Variants in NUMB observed in about 807,000 individuals in gnomAD.
NUMB encodes protein numb homolog.
NUMB carries 29 observed loss-of-function variants against 59.7 expected under a neutral mutation model. The observed-to-expected ratio is 0.49, with a 90% CI of 0.36 to 0.66. NUMB has a LOEUF of 0.66. Ranked by LOEUF, NUMB falls within the 30% of genes least tolerant of loss-of-function variation. The pLI is 0.00. For missense variants in NUMB, 723 were observed against 822.0 expected (o/e 0.88, Z 1.47); for synonymous variants, 288 against 288.2 (o/e 1.00, Z 0.01).
intron 3 of NUMB, among the ~76,000 whole-genome samples, chr14:73,362,745 A>G (rs1311574241): frequency 6.6e-6 from 1 of 152,122 alleles, no homozygotes; most frequent in Admixed American, 6.5e-5. Context: ...CTATCACTCT[A>G]TTATAAATAG....
In NUMB at chr14:73,451,488, C is replaced by T. The variant is rs188267654; in HGVS notation, c.-233+7005G>A. Among the ~76,000 whole-genome samples the T allele has an allele frequency of 2.2e-3, 323 of 150,012 alleles. 1 individual carries two copies. Among genetic ancestry groups the T allele is most frequent in the African/African-American group, 7.6e-3 (308 of 40,672 alleles). On this transcript the variant is annotated intron_variant, in intron 1 of 12. Coordinates refer to ENST00000555238, the MANE Select transcript of NUMB (RefSeq NM_001005743.2). The stretch of plus-strand genomic sequence containing the variant: ...AAATTAGCCAGGCATAGTGGCATGC[C>T]CCTGTAGTCCCAGCTACTCGGTAGC...
chr14:73,388,414 G>A (rs970564235), intron 2 of NUMB, among the ~76,000 whole-genome samples: 1 of 152,128 alleles, frequency 6.6e-6, no homozygotes, highest in African/African-American at 2.4e-5. Context: ...ATTTAAAAAA[G>A]TCAAATAAAT....
At chr14:73,301,514 T>C (rs902470837) in intron 6 of NUMB, among the ~76,000 whole-genome samples, 2 of 152,230 alleles carry the variant, frequency 1.3e-5, no homozygotes, top group South Asian at 2.1e-4. Context: ...GACAGCTCAC[T>C]GCAGCCTTGA....
chr14:73,375,049 T>A (rs1054733823), intron 2 of NUMB, among the ~76,000 whole-genome samples: 2 of 152,160 alleles, frequency 1.3e-5, no homozygotes, highest in Admixed American at 1.3e-4. Flanking sequence ...TTTGCTAAGG[T>A]GTTGCCTCTG....
chr14:73,296,680 G>C (rs746028332), intron 7 of NUMB, among the ~76,000 whole-genome samples: 37 of 152,092 alleles, frequency 2.4e-4, no homozygotes, highest in Non-Finnish European at 3.7e-4. Flanking sequence ...TATTATATTT[G>C]ATCATTAGAG....
intron 1 of NUMB, among the ~76,000 whole-genome samples, chr14:73,411,026 G>A (rs1022440118): frequency 2.6e-5 from 4 of 152,132 alleles, no homozygotes; most frequent in African/African-American, 9.7e-5. Context: ...AAGAATGATA[G>A]GATGGATTTT....
chr14:73,335,787 T>A (rs1892277856), intron 4 of NUMB, among the ~76,000 whole-genome samples: 1 of 152,194 alleles, frequency 6.6e-6, no homozygotes, highest in South Asian at 2.1e-4. Context: ...TTAACAAAAG[T>A]GACATAATAT....
rs982447019 is a variant in NUMB at position 73,289,196 on chromosome 14, A to G, written c.451-1882T>C. Among the ~76,000 whole-genome samples, 10 of 145,810 alleles carry G rather than the reference A, an allele frequency of 6.9e-5. No homozygotes were observed. The East Asian group carries it at 1.2e-3, about 17-fold the overall frequency. On this transcript the variant is annotated intron_variant, in intron 8 of 12. Coordinates refer to ENST00000555238, the MANE Select transcript of NUMB (RefSeq NM_001005743.2). Reference sequence around the variant, plus strand: ...CTCTAATTCCCAACTCTACCTCCCAACCAAACACAGGCAAAAGTGAAAGCA... The same window carrying G: ...CTCTAATTCCCAACTCTACCTCCCAGCCAAACACAGGCAAAAGTGAAAGCA...
intron 1 of NUMB, among the ~76,000 whole-genome samples, chr14:73,414,844 C>A (rs1460760792): frequency 6.6e-6 from 1 of 151,934 alleles, no homozygotes; most frequent in Non-Finnish European, 1.5e-5. Context: ...CTCAGCCTCC[C>A]GAGTAGCTGG....
At chr14:73,372,425 ATATATG>A (rs1316062156) in intron 2 of NUMB, among the ~76,000 whole-genome samples, 2 of 146,206 alleles carry the variant, frequency 1.4e-5, no homozygotes, top group Non-Finnish European at 3.0e-5. Context: ...ATATGTGCCT[ATATATG>A]TATATCTATA....
intron 1 of NUMB, among the ~76,000 whole-genome samples, chr14:73,455,723 T>C (rs1884319089): frequency 6.6e-6 from 1 of 152,234 alleles, no homozygotes. Flanking sequence ...AAAGGAAATA[T>C]CTTTTCATTT....
At chr14:73,414,380 C>T (rs1417002681) in intron 1 of NUMB, among the ~76,000 whole-genome samples, 1 of 152,164 alleles carries the variant, frequency 6.6e-6, no homozygotes, top group Non-Finnish European at 1.5e-5. Context: ...TGGCCATCTA[C>T]TTTCAGATAA....
At chr14:73,324,817 C>T (rs974327143) in intron 4 of NUMB, among the ~76,000 whole-genome samples, 16 of 152,070 alleles carry the variant, frequency 1.1e-4, no homozygotes, top group Admixed American at 9.2e-4. Context: ...ATGGAAATGG[C>T]AAGGAATTTA....
intron 3 of NUMB, among the ~76,000 whole-genome samples, chr14:73,360,634 T>A (rs77393808): frequency 0.051 from 7,821 of 152,192 alleles, 653 homozygotes; most frequent in African/African-American, 0.18. Flanking sequence ...TAACTCTTTA[T>A]GATCCTTTCA....
intron 2 of NUMB, among the ~76,000 whole-genome samples, chr14:73,377,950 T>C (rs1594966077): frequency 6.6e-6 from 1 of 151,312 alleles, no homozygotes; most frequent in East Asian, 1.9e-4. Flanking sequence ...TGGAGATAGA[T>C]ATATATACAC....
At chr14:73,431,239 G>A (rs1897814130) in intron 1 of NUMB, among the ~76,000 whole-genome samples, 1 of 148,616 alleles carries the variant, frequency 6.7e-6, no homozygotes, top group South Asian at 2.1e-4. Flanking sequence ...ACAGGCATGA[G>A]CCACCGCACT....
At position 73,277,051 on chromosome 14, in the gene NUMB, C is replaced by A. The variant is rs777615607; in HGVS notation, c.1483G>T (p.Val495Leu). The change falls in exon 13 of 13, where the codon GTG (valine) becomes TTG (leucine). Residue 495 changes from valine to leucine, a missense_variant. Physicochemically the swap from Val to Leu is conservative, Grantham distance 32. Transcript: ENST00000555238. ...NAFLTSQPVP[V>L]GVVPALQPAF... The stretch of plus-strand genomic sequence containing the variant: ...GGTTGCAGGGCTGGGACCACACCCA[C>A]TGGCACAGGCTGAGAGGTGAGGAAT... 3.1e-6 allele frequency: 5 copies of A among 1,613,984 alleles called. No homozygotes were observed. The African/African-American group carries it at 6.7e-5, about 22-fold the overall frequency.
Position 73,352,510 on chromosome 14 carries a change from A to G in NUMB, c.126+3116T>C, listed in dbSNP as rs60662593. 8.9e-4 allele frequency among the ~76,000 whole-genome samples: 11 copies of G among 12,412 alleles called. 1 individual carries two copies. The highest frequency in any genetic ancestry group is 1.7e-3 in the African/African-American group (3 of 1,790). 8.1% of individuals were successfully genotyped at this position (12,412 alleles called of 152,430 possible). A position where few individuals can be genotyped will look rare whatever the true frequency, so the allele number is the denominator to read the frequency against. On this transcript the variant is annotated intron_variant, in intron 4 of 12. Transcript: ENST00000555238. ...TATATATATATATATATATATATAT[A>G]TATATATATATATATATATGTTTTT...
intron 7 of NUMB, among the ~76,000 whole-genome samples, chr14:73,293,990 G>C (rs1347274360): frequency 6.6e-6 from 1 of 152,184 alleles, no homozygotes; most frequent in Non-Finnish European, 1.5e-5. Context: ...CTTGAAGTTA[G>C]GTCTTTATTG....
Sources: gnomAD v4.1 joint callset for allele counts (sites outside exome capture counted in the v4.1 genomes callset) on GRCh38, gnomAD v4.1.1 for gene constraint, MANE v1.5 for transcripts, NCBI Gene and HGNC (gene_info 2026-07-23, HGNC 2026-07-21) for gene names.